Variants in RGS10 observed in about 807,000 individuals in gnomAD.
RGS10 encodes the protein regulator of G-protein signalling 10.
In RGS10, 11 loss-of-function variants were observed where a neutral mutation model predicts 23.5. The ratio of observed to expected loss-of-function variants is 0.47; its 90% confidence interval spans 0.29 to 0.77. The LOEUF is 0.77. Among genes scored for constraint, RGS10 ranks in the 30% least tolerant of loss-of-function variants. The pLI is 0.08. For missense variants in RGS10, 180 were observed against 226.3 expected (o/e 0.80, Z 1.31); for synonymous variants, 77 against 83.2 (o/e 0.92, Z 0.41).
chr10:119,528,388 A>AAAATTTT (rs1186894820), intron 1 of RGS10, among the ~76,000 whole-genome samples: 3 of 152,206 alleles, frequency 2.0e-5, no homozygotes, highest in African/African-American at 7.2e-5. Context: ...CATGATGAAC[A>AAAATTTT]AAATACCCAA....
intron 4 of RGS10, 140 bp from the exon 5 acceptor site, chr10:119,500,399 G>A: frequency 1.3e-6 from 1 of 770,454 alleles, no homozygotes; most frequent in South Asian, 2.5e-5. Context: ...GCTCAAATAA[G>A]TCATCTGCTA....
Position 119,542,627 on chromosome 10 carries a change from G to T in RGS10, c.12C>A (p.Arg4=). The T allele has an allele frequency of 7.0e-7, 1 of 1,420,900 alleles. No homozygotes were observed. The highest frequency in any genetic ancestry group is 9.2e-7 in the Non-Finnish European group (1 of 1,084,030). 88.0% of individuals were successfully genotyped at this position (1,420,900 alleles called of 1,614,324 possible). ...GCTTCCTGCTCAGCCGGCTCACGGCGCGGTTGAACATCGCCGCGGGCGCCC... is the reference window on the plus strand; with the variant it reads ...GCTTCCTGCTCAGCCGGCTCACGGCTCGGTTGAACATCGCCGCGGGCGCCC... MFN[R]AVSRLSRKRP... is the part of the protein sequence containing the mutation. Residue 4 remains arginine, a synonymous_variant, in exon 1 of 5, where the codon CGC becomes CGA. Transcript: ENST00000369103.
Position 119,504,785 on chromosome 10 carries a change from C to A in RGS10, c.400-4526G>T, listed in dbSNP as rs114604131. Among the ~76,000 whole-genome samples the A allele has an allele frequency of 7.9e-3, 1,197 of 152,158 alleles. 22 individuals are homozygous for A. The highest frequency in any genetic ancestry group is 0.028 in the African/African-American group (1,151 of 41,506). On this transcript the variant is annotated intron_variant, in intron 4 of 4. Transcript: ENST00000369103. The stretch of plus-strand genomic sequence containing the variant: ...CGTGCCAAGGAGCGCTAAGGAGTGC[C>A]GGCAGCCACCAGCAGTCTGTAAGCT...
chr10:119,541,834 G>A (rs1228028348), intron 1 of RGS10, among the ~76,000 whole-genome samples: 1 of 152,212 alleles, frequency 6.6e-6, no homozygotes. Flanking sequence ...CACCCAACGC[G>A]GTGGACAAAG....
chr10:119,508,708 G>A (rs1844043326), intron 4 of RGS10, among the ~76,000 whole-genome samples: 3 of 152,178 alleles, frequency 2.0e-5, no homozygotes. Flanking sequence ...CGGCAGGACT[G>A]GGGGATCTTA....
At chr10:119,522,226 T>C (rs557774505) in intron 3 of RGS10, among the ~76,000 whole-genome samples, 34 of 152,254 alleles carry the variant, frequency 2.2e-4, no homozygotes, top group Admixed American at 1.7e-3. Flanking sequence ...TGTGAAGTTG[T>C]TGAATGCTGG....
intron 4 of RGS10, among the ~76,000 whole-genome samples, chr10:119,507,420 A>G (rs1285458066): frequency 1.3e-5 from 2 of 152,074 alleles, no homozygotes; most frequent in Non-Finnish European, 1.5e-5. Flanking sequence ...GGCCCTCAAT[A>G]GCTGGCCCAC....
chr10:119,524,853 G>A lies in RGS10; in HGVS notation c.255+1179C>T, dbSNP rs1844255470. Among the ~76,000 whole-genome samples, 1 of 152,218 alleles carries A rather than the reference G, an allele frequency of 6.6e-6. No individual in the cohort carries two copies. Among genetic ancestry groups the A allele is most frequent in the Non-Finnish European group, 1.5e-5 (1 of 68,042 alleles). ...CACCTCCAGAGAGGAAGGTGGTGGA[G>A]AAAAGGCCGCGCTGCGCCATCCAGG... On this transcript the variant is annotated intron_variant, in intron 3 of 4. Coordinates refer to ENST00000369103, the MANE Select transcript of RGS10 (RefSeq NM_001005339.2). The surrounding 1 kb of genome is among the most constrained non-coding windows in gnomAD (Gnocchi z 5.2).
chr10:119,516,627 T>C (rs1844147656), intron 3 of RGS10: 1 of 152,230 alleles, frequency 6.6e-6, no homozygotes, highest in Non-Finnish European at 1.5e-5. Flanking sequence ...AAACACTCGC[T>C]GCCCGCCCTC....
intron 3 of RGS10, among the ~76,000 whole-genome samples, chr10:119,520,501 C>A (rs1463433191): frequency 1.3e-5 from 2 of 152,160 alleles, no homozygotes; most frequent in Admixed American, 1.3e-4. Context: ...TCCCCCGCCA[C>A]CTTCAACAGA....
At chr10:119,528,320 C>T (rs1364592196) in intron 1 of RGS10, among the ~76,000 whole-genome samples, 3 of 152,036 alleles carry the variant, frequency 2.0e-5, no homozygotes, top group South Asian at 2.1e-4. Flanking sequence ...CATGAGCCAC[C>T]GCGCCCAGTT....
chr10:119,506,833 T>A (rs1276321582), intron 4 of RGS10, among the ~76,000 whole-genome samples: 1 of 152,160 alleles, frequency 6.6e-6, no homozygotes, highest in Non-Finnish European at 1.5e-5. Flanking sequence ...CCCAAGTAGC[T>A]GGAATTACAG....
At chr10:119,502,913 C>A (rs917456128) in intron 4 of RGS10, among the ~76,000 whole-genome samples, 7 of 152,178 alleles carry the variant, frequency 4.6e-5, no homozygotes, top group African/African-American at 1.7e-4. Context: ...GAGGATGTCG[C>A]CCCCAAAGCC....
At chr10:119,519,342 C>G (rs1411860527) in intron 3 of RGS10, among the ~76,000 whole-genome samples, 3 of 123,828 alleles carry the variant, frequency 2.4e-5, no homozygotes, top group Non-Finnish European at 4.8e-5. Flanking sequence ...GTCCCCAGCT[C>G]CTGTCTCCCT....
At chr10:119,519,494 TCCCAGCTCCTGTCTCCCTGTCTGTCC>T (rs1844187231) in intron 3 of RGS10, among the ~76,000 whole-genome samples, 4 of 102,936 alleles carry the variant, frequency 3.9e-5, no homozygotes, top group Admixed American at 1.1e-4. Context: ...TCTCCCTGTC[TCCCAGCTCCTGTCTCCCTGTCTGTCC>T]CCCAGCTCCT....
intron 1 of RGS10, among the ~76,000 whole-genome samples, chr10:119,537,961 C>T (rs1033151691): frequency 1.3e-5 from 2 of 152,188 alleles, no homozygotes; most frequent in African/African-American, 4.8e-5. Context: ...TCCCCAGGAG[C>T]GACAACCTCT....
intron 4 of RGS10, among the ~76,000 whole-genome samples, chr10:119,505,406 CTGCA>C (rs1339219945): frequency 6.8e-6 from 1 of 147,076 alleles, no homozygotes. Flanking sequence ...CATCTGCAAG[CTGCA>C]CGCCTGGACT....
At chr10:119,521,631 G>GAAGGAAGGAAGGAAAGA (rs1844218497) in intron 3 of RGS10, among the ~76,000 whole-genome samples, 4 of 69,322 alleles carry the variant, frequency 5.8e-5, no homozygotes, top group African/African-American at 2.2e-4. Flanking sequence ...GGAAAGAAAG[G>GAAGGAAGGAAGGAAAGA]AAGGAAGGAA....
intron 3 of RGS10, chr10:119,516,547 C>A (rs1323975319): frequency 6.6e-6 from 1 of 151,660 alleles, no homozygotes; most frequent in Non-Finnish European, 1.5e-5. Flanking sequence ...CCAGGTTGTG[C>A]GGTATGCGGC....
Sources: gnomAD v4.1 joint callset for allele counts (sites outside exome capture counted in the v4.1 genomes callset) on GRCh38, gnomAD v4.1.1 for gene constraint, Gnocchi (gnomAD v3.1) non-coding constraint, MANE v1.5 for transcripts, NCBI Gene and HGNC (gene_info 2026-07-23, HGNC 2026-07-21) for gene names.